SFXN5: variants seen among roughly 807,000 people sequenced by gnomAD.
SFXN5 encodes the protein sideroflexin-5.
In SFXN5, 43 loss-of-function variants were observed where a neutral mutation model predicts 50.2. The observed-to-expected ratio is 0.86, with a 90% CI of 0.67 to 1.11. The LOEUF (loss-of-function observed/expected upper bound fraction) is 1.11, where lower values mean the gene tolerates loss of function less well. Among genes scored for constraint, SFXN5 ranks in the 50% least tolerant of loss-of-function variants. The pLI is 0.00. For synonymous variants in SFXN5, 203 were observed against 185.8 expected (o/e 1.09, Z -0.75); for missense variants, 463 against 454.1 (o/e 1.02, Z -0.18).
At chr2:73,059,146 A>G in intron 1 of SFXN5, 1 of 986,464 alleles carries the variant, frequency 1.0e-6, no homozygotes, top group Non-Finnish European at 1.2e-6. Context: ...AGTGCAGGAC[A>G]AGGGGCAGCT....
intron 13 of SFXN5, among the ~76,000 whole-genome samples, chr2:72,955,347 C>T (rs1033108112): frequency 1.3e-5 from 2 of 152,246 alleles, no homozygotes; most frequent in Non-Finnish European, 2.9e-5. Context: ...TGCTCCTCTC[C>T]TGCCGCCTGC....
intron 13 of SFXN5, among the ~76,000 whole-genome samples, chr2:72,959,114 G>A (rs1393046485): frequency 6.6e-6 from 1 of 152,092 alleles, no homozygotes; most frequent in Admixed American, 6.6e-5. Context: ...CTCTCTTGGG[G>A]CCCTGCCTGA....
At chr2:73,018,941 A>T (rs1483703984) in intron 6 of SFXN5, among the ~76,000 whole-genome samples, 1 of 152,198 alleles carries the variant, frequency 6.6e-6, no homozygotes, top group Non-Finnish European at 1.5e-5. Context: ...GTCTATATCC[A>T]AGAGGAATGA....
chr2:73,045,856 C>T (rs751104137), intron 2 of SFXN5, among the ~76,000 whole-genome samples: 16 of 152,140 alleles, frequency 1.1e-4, no homozygotes, highest in East Asian at 1.9e-4. Context: ...GTCTGTGCTG[C>T]GATGGGTCCT....
At chr2:73,034,480 C>T (rs937742219) in intron 3 of SFXN5, among the ~76,000 whole-genome samples, 2 of 152,240 alleles carry the variant, frequency 1.3e-5, no homozygotes, top group Non-Finnish European at 2.9e-5. Context: ...TGCAGGATCT[C>T]TTGCATCCCA....
chr2:73,057,011 G>A (rs896601858), intron 2 of SFXN5, among the ~76,000 whole-genome samples: 2 of 152,144 alleles, frequency 1.3e-5, no homozygotes, highest in Admixed American at 1.3e-4. Flanking sequence ...CAAAAAACTG[G>A]AAAGAATCCA....
At chr2:73,004,315 G>GCACGCA (rs1553516577) in intron 6 of SFXN5, among the ~76,000 whole-genome samples, 1 of 115,556 alleles carries the variant, frequency 8.7e-6, no homozygotes, top group Admixed American at 8.3e-5. Context: ...GAGTGCGCGC[G>GCACGCA]CACACACACA....
chr2:72,975,747 T>C (rs1172200674), intron 10 of SFXN5, among the ~76,000 whole-genome samples: 2 of 152,240 alleles, frequency 1.3e-5, no homozygotes, highest in Admixed American at 6.5e-5. Flanking sequence ...AGATTCCTAA[T>C]TGTTGCCTAA....
intron 3 of SFXN5, among the ~76,000 whole-genome samples, chr2:73,037,183 C>A (rs1192675961): frequency 6.6e-6 from 1 of 152,242 alleles, no homozygotes; most frequent in Non-Finnish European, 1.5e-5. Context: ...TGCTCTTCAC[C>A]AGCCCTGTCA....
intron 2 of SFXN5, among the ~76,000 whole-genome samples, chr2:73,047,196 TGACA>T (rs1680448451): frequency 9.4e-6 from 1 of 106,514 alleles, no homozygotes; most frequent in African/African-American, 3.3e-5. Context: ...CCAGCCTGGG[TGACA>T]GAGTGAGACT....
intron 10 of SFXN5, among the ~76,000 whole-genome samples, chr2:72,983,294 A>G (rs1671534868): frequency 6.6e-6 from 1 of 152,146 alleles, no homozygotes; most frequent in Non-Finnish European, 1.5e-5. Context: ...GTGCCAGGAC[A>G]CCCTGGGCAA....
intron 9 of SFXN5, among the ~76,000 whole-genome samples, chr2:72,996,106 C>T (rs1574066273): frequency 6.6e-6 from 1 of 152,228 alleles, no homozygotes; most frequent in Admixed American, 6.5e-5. Context: ...GAGGCTCAGA[C>T]TGCAGAACAC....
intron 9 of SFXN5, chr2:72,996,546 T>C: frequency 6.7e-6 from 1 of 148,550 alleles, no homozygotes; most frequent in Non-Finnish European, 1.5e-5. Flanking sequence ...TTTTGCTCTG[T>C]CGCCCAGTCT....
intron 3 of SFXN5, among the ~76,000 whole-genome samples, chr2:73,038,841 T>G (rs1679270302): frequency 6.6e-6 from 1 of 152,132 alleles, no homozygotes; most frequent in Admixed American, 6.5e-5. Context: ...TAAAACTAAC[T>G]AAAAACTAAG....
chr2:73,019,308 C>T (rs1230857030), intron 6 of SFXN5: 1 of 151,926 alleles, frequency 6.6e-6, no homozygotes, highest in Non-Finnish European at 1.5e-5. Flanking sequence ...TTCTGAGATG[C>T]TAATGATGCT....
rs1166237335 is a variant in SFXN5, at chr2:73,040,944, G to A, written c.172-13C>T. On this transcript the variant is annotated splice_polypyrimidine_tract_variant and intron_variant, in intron 2 of 13. Transcript: ENST00000272433. ...CTCTGAGACGTCTCTGCAGAAGAAA[G>A]AAAAGAGACATTGAGGGGCACAGAT... 1.2e-6 allele frequency: 2 copies of A among 1,610,170 alleles called. No homozygotes were observed. Among genetic ancestry groups the A allele is most frequent in the Non-Finnish European group, 1.7e-6 (2 of 1,179,008 alleles).
chr2:72,976,743 G>A (rs1025222797), intron 10 of SFXN5, among the ~76,000 whole-genome samples: 2 of 152,084 alleles, frequency 1.3e-5, no homozygotes, highest in African/African-American at 4.8e-5. Flanking sequence ...TCCTTCCAAT[G>A]GACACTAATT....
Position 72,973,986 on chromosome 2 carries a change from T to C in SFXN5, c.626-2301A>G, listed in dbSNP as rs1015379026. ...CCAGAAAGGCAAAGTTACAGGAATG[T>C]GGTCCAGGAGACGAGCATCCTGCTA... On this transcript the variant is annotated intron_variant, in intron 10 of 13. Coordinates refer to ENST00000272433, the MANE Select transcript of SFXN5 (RefSeq NM_144579.3). The surrounding 1 kb of genome is among the most constrained non-coding windows in gnomAD (Gnocchi z 5.5). 3.3e-5 allele frequency among the ~76,000 whole-genome samples: 5 copies of C among 152,200 alleles called. No individual in the cohort carries two copies. The highest frequency in any genetic ancestry group is 9.7e-5 in the African/African-American group (4 of 41,450).
intron 6 of SFXN5, among the ~76,000 whole-genome samples, chr2:73,013,992 T>C (rs1428145691): frequency 6.6e-6 from 1 of 152,182 alleles, no homozygotes; most frequent in Non-Finnish European, 1.5e-5. Context: ...TTTAACATTA[T>C]ATAAATGACA....
Sources: gnomAD v4.1 joint callset for allele counts (sites outside exome capture counted in the v4.1 genomes callset) on GRCh38, gnomAD v4.1.1 for gene constraint, Gnocchi (gnomAD v3.1) non-coding constraint, MANE v1.5 for transcripts, NCBI Gene and HGNC (gene_info 2026-07-23, HGNC 2026-07-21) for gene names.